Variants in FRMPD4 observed in about 807,000 individuals in gnomAD.
The protein encoded by FRMPD4 is FERM and PDZ domain containing 4.
A neutral mutation model predicts 94.1 loss-of-function variants in FRMPD4; 22 were observed. That is an observed-to-expected ratio of 0.23 (90% CI 0.17 to 0.33). FRMPD4 has a LOEUF of 0.33. FRMPD4 is among the 10% of genes least tolerant of loss of function. FRMPD4 has a pLI of 1.00. For missense variants in FRMPD4, 1,111 were observed against 1,339.9 expected (o/e 0.83, Z 2.67); for synonymous variants, 631 against 548.6 (o/e 1.15, Z -2.10).
chrX:11,993,799 T>A (rs2054479764), intron 3 of FRMPD4, among the ~76,000 whole-genome samples: 1 of 112,086 alleles, frequency 8.9e-6, no homozygotes, highest in African/African-American at 3.2e-5. Flanking sequence ...GTCAGTTTTT[T>A]GCTCTTTAAT....
At chrX:12,523,330 C>A (rs1489972388) in intron 2 of FRMPD4, among the ~76,000 whole-genome samples, 2 of 111,889 alleles carry the variant, frequency 1.8e-5, no homozygotes, top group Non-Finnish European at 3.8e-5. Flanking sequence ...GAAACATTAG[C>A]CTGAGGTTTG....
intron 3 of FRMPD4, among the ~76,000 whole-genome samples, chrX:12,029,578 T>C (rs1048131919): frequency 2.7e-5 from 3 of 112,096 alleles, no homozygotes; most frequent in African/African-American, 9.7e-5. Flanking sequence ...CATGTTATCT[T>C]CCAGGGGTTT....
chrX:12,718,841 A>T, intron 16 of FRMPD4, 51 bp downstream of exon 16: 3 of 778,700 alleles, frequency 3.9e-6, no homozygotes, highest in Non-Finnish European at 3.8e-6. Context: ...AGAGCATGTA[A>T]ACCATATTTA....
At chrX:11,906,811 CCTT>C (rs1455234023) in intron 3 of FRMPD4, among the ~76,000 whole-genome samples, 1 of 110,413 alleles carries the variant, frequency 9.1e-6, no homozygotes, top group East Asian at 2.8e-4. Flanking sequence ...TCTTTTTTCT[CCTT>C]CTTTCTTCTT....
intron 1 of FRMPD4, among the ~76,000 whole-genome samples, chrX:12,425,382 G>T (rs1040846477): frequency 8.9e-5 from 10 of 112,182 alleles, no homozygotes; most frequent in African/African-American, 2.9e-4. Context: ...AAAGGGTGCT[G>T]TCTCTTGTTT....
chrX:12,582,641 A>AGGTGT (rs1436803808), intron 2 of FRMPD4, among the ~76,000 whole-genome samples: 1 of 111,945 alleles, frequency 8.9e-6, no homozygotes, highest in Non-Finnish European at 1.9e-5. Context: ...TGAAGGTCAC[A>AGGTGT]CTTCATAGGT....
intron 1 of FRMPD4, among the ~76,000 whole-genome samples, chrX:12,365,938 T>C (rs1029309703): frequency 8.9e-6 from 1 of 112,848 alleles, no homozygotes; most frequent in Admixed American, 9.3e-5. Flanking sequence ...TTCCATTCAC[T>C]AGGCTCTGTG....
intron 3 of FRMPD4, among the ~76,000 whole-genome samples, chrX:12,039,219 T>A (rs1163781916): frequency 9.4e-6 from 1 of 106,342 alleles, no homozygotes; most frequent in Admixed American, 1.1e-4. Context: ...ATTTATTTAT[T>A]TTTATTTTTT....
At chrX:12,316,590 G>C (rs1252376427) in intron 1 of FRMPD4, among the ~76,000 whole-genome samples, 1 of 110,864 alleles carries the variant, frequency 9.0e-6, no homozygotes, top group Non-Finnish European at 1.9e-5. Context: ...ATTTTGTATC[G>C]AACATGACCA....
chrX:12,467,581 A>G (rs2057462657), intron 1 of FRMPD4, among the ~76,000 whole-genome samples: 1 of 112,387 alleles, frequency 8.9e-6, no homozygotes, highest in Admixed American at 9.4e-5. Flanking sequence ...CAATGTGTCA[A>G]AATAGATTAA....
At chrX:12,318,114 C>T (rs1003892811) in intron 1 of FRMPD4, among the ~76,000 whole-genome samples, 2 of 112,602 alleles carry the variant, frequency 1.8e-5, no homozygotes, top group Non-Finnish European at 3.8e-5. Context: ...GAGTATTATT[C>T]AGCCATATAA....
chrX:11,948,028 TG>T (rs1284323097), intron 3 of FRMPD4, among the ~76,000 whole-genome samples: 2 of 103,885 alleles, frequency 1.9e-5, no homozygotes, highest in Middle Eastern at 5.0e-3. Context: ...AGGTGGAGGT[TG>T]CAGTGAGCCA....
At chrX:11,910,937 CAA>C (rs371287212) in intron 3 of FRMPD4, among the ~76,000 whole-genome samples, 8 of 89,684 alleles carry the variant, frequency 8.9e-5, no homozygotes, top group African/African-American at 2.4e-4. Context: ...CCCCTGCCCA[CAA>C]AAAAAAAAAA....
chrX:11,881,955 A>T (rs1185142786), intron 3 of FRMPD4, among the ~76,000 whole-genome samples: 2 of 111,707 alleles, frequency 1.8e-5, no homozygotes, highest in Non-Finnish European at 3.8e-5. Flanking sequence ...CTGGTATGCA[A>T]TGAATGAGTT....
At chrX:12,466,058 G>A (rs1601976098) in intron 1 of FRMPD4, among the ~76,000 whole-genome samples, 1 of 111,358 alleles carries the variant, frequency 9.0e-6, no homozygotes, top group South Asian at 3.8e-4. Context: ...ATACTTTGAA[G>A]TTAGATTCTC....
At chrX:12,541,794 G>A (rs1350312016) in intron 2 of FRMPD4, among the ~76,000 whole-genome samples, 2 of 111,590 alleles carry the variant, frequency 1.8e-5, no homozygotes, top group East Asian at 2.8e-4. Flanking sequence ...CAAAAAAAGA[G>A]AATTTTAGAC....
rs72064228 is a variant in FRMPD4, at chrX:11,917,886, T to TA, written c.95+39884dup. Among the ~76,000 whole-genome samples, 424 of 86,188 alleles carry TA rather than the reference T, an allele frequency of 4.9e-3. 3 individuals carry two copies. Among genetic ancestry groups the TA allele is most frequent in the African/African-American group, 0.014 (327 of 23,613 alleles). The allele number at this position is 86,188 out of a possible 115,157, so 74.8% of individuals were successfully genotyped here. ...AACCTGCACATGTACCCCGTGAATC[T>TA]AAAAAAAAAAAAAAAAGATAATAGC... is the stretch of plus-strand genomic sequence containing the variant. On this transcript the variant is annotated intron_variant, in intron 3 of 18. Coordinates refer to the FRMPD4 transcript ENST00000640291.
chrX:11,950,996 T>C (rs1169547191), intron 3 of FRMPD4, among the ~76,000 whole-genome samples: 1 of 101,921 alleles, frequency 9.8e-6, no homozygotes, highest in East Asian at 3.0e-4. Context: ...GAGGCGGAGG[T>C]TGCAGTGAGC....
chrX:12,377,735 T>C (rs1298738521), intron 1 of FRMPD4, among the ~76,000 whole-genome samples: 1 of 112,631 alleles, frequency 8.9e-6, no homozygotes, highest in African/African-American at 3.2e-5. Flanking sequence ...GATGACATGT[T>C]GGCTAGAAGT....
Sources: allele counts gnomAD v4.1 joint callset (sites outside exome capture counted in the v4.1 genomes callset), GRCh38; gene constraint gnomAD v4.1.1; transcripts MANE v1.5; gene names NCBI Gene and HGNC (gene_info 2026-07-23, HGNC 2026-07-21).